The following GALNS variants were observed in gnomAD, a reference collection of about 807,000 sequenced individuals.
GALNS encodes N-acetylgalactosamine-6-sulfatase.
A neutral mutation model predicts 65.9 loss-of-function variants in GALNS; 65 were observed. The observed-to-expected ratio is 0.99, with a 90% CI of 0.81 to 1.21. The LOEUF is 1.21. GALNS is among the 50% of genes most tolerant of loss of function. The probability of loss-of-function intolerance (pLI) is 0.00; values close to 1 mark genes in which losing one functional copy is unlikely to be tolerated. For synonymous variants in GALNS, 346 were observed against 288.9 expected, an observed-to-expected ratio of 1.20 and a Z score of -2.00; for missense variants, 776 against 700.7, an observed-to-expected ratio of 1.11 and a Z score of -1.21.
At chr16:88,834,358 C>G (rs528232076) in intron 8 of GALNS, among the ~76,000 whole-genome samples, 2 of 116,282 alleles carry the variant, frequency 1.7e-5, no homozygotes, top group Non-Finnish European at 1.8e-5. Context: ...GCTGCAGGGC[C>G]CCCCCCCGCG....
At chr16:88,855,713 A>G (rs867460074) in intron 1 of GALNS, 3 of 585,242 alleles carry the variant, frequency 5.1e-6, no homozygotes, top group Non-Finnish European at 6.0e-6. Context: ...AGTCTTCTAA[A>G]TCTGTGTATT....
Position 88,855,844 on chromosome 16 carries a change from C to T in GALNS, c.120+914G>A, listed in dbSNP as rs75042067. ...GGCACCTGTCAGGGTCTCTGCTGGT[C>T]GGAGCCAGCACACAGGGGCTGAGCG... On this transcript the variant is annotated intron_variant, in intron 1 of 13. Transcript: ENST00000268695. 1,055 of 501,528 alleles carry T rather than the reference C, an allele frequency of 2.1e-3. 9 individuals are homozygous for T. Among genetic ancestry groups the T allele is most frequent in the African/African-American group, 0.017 (912 of 52,184 alleles). 31.1% of individuals were successfully genotyped at this position (501,528 alleles called of 1,614,324 possible).
At chr16:88,849,832 A>C (rs1422583966) in intron 1 of GALNS, among the ~76,000 whole-genome samples, 1 of 152,246 alleles carries the variant, frequency 6.6e-6, no homozygotes, top group Non-Finnish European at 1.5e-5. Flanking sequence ...ATGAGGAAGA[A>C]AGGGAGGTGG....
chr16:88,835,934 G>C, intron 6 of GALNS, 85 bp from the exon 7 acceptor site: 1 of 1,598,128 alleles, frequency 6.3e-7, no homozygotes, highest in South Asian at 1.1e-5. Context: ...CACGTCCCAC[G>C]GGGCGAGGTT....
rs3826072 is a variant in GALNS at position 88,818,405 on chromosome 16, T to C, written c.1365-281A>G. Among the ~76,000 whole-genome samples the C allele has an allele frequency of 0.41, 62,662 of 151,662 alleles. 13,280 individuals carry two copies. Among genetic ancestry groups the C allele is most frequent in the East Asian group, 0.63 (3,218 of 5,112 alleles). On this transcript the variant is annotated intron_variant, in intron 12 of 13. Coordinates refer to ENST00000268695, the MANE Select transcript of GALNS (RefSeq NM_000512.5). ...GGCTGTGAGTAGAGCCGTCCCATCC[T>C]GTCCCTGCCTGTGACCAGGACCCGG...
At chr16:88,819,591 G>A (rs957666995) in intron 12 of GALNS, among the ~76,000 whole-genome samples, 3 of 152,224 alleles carry the variant, frequency 2.0e-5, no homozygotes, top group Non-Finnish European at 4.4e-5. Context: ...AGGCTGGAGT[G>A]GTGAGACAGC....
Position 88,837,606 on chromosome 16 carries a change from G to A in GALNS, c.566+16C>T, listed in dbSNP as rs868246018. ...CAGTTCAGGACGTGGGAGGGGAAGG[G>A]GTGGGGCTCCATTACCTGCCAACCA... On this transcript the variant is annotated intron_variant, in intron 5 of 13. Transcript: ENST00000268695. 2.5e-6 allele frequency: 4 copies of A among 1,611,826 alleles called. No homozygotes were observed. Among genetic ancestry groups the A allele is most frequent in the Middle Eastern group, 2.0e-4 (1 of 5,058 alleles).
intron 13 of GALNS, chr16:88,816,664 T>C (rs1263219928): frequency 4.1e-6 from 4 of 985,224 alleles, no homozygotes; most frequent in Admixed American, 6.1e-5. Flanking sequence ...GCCGGTGCTC[T>C]CCTGTTACAT....
chr16:88,817,030 G>A, intron 13 of GALNS: 4 of 985,436 alleles, frequency 4.1e-6, no homozygotes, highest in Non-Finnish European at 4.8e-6. Flanking sequence ...GCTCGTTTTT[G>A]CCGACTAGAG....
At chr16:88,823,547 C>G (rs1288443485) in intron 11 of GALNS, among the ~76,000 whole-genome samples, 9 of 77,086 alleles carry the variant, frequency 1.2e-4, no homozygotes, top group Admixed American at 1.0e-3. Flanking sequence ...GGGACCGATG[C>G]CCAGGACGGC....
Position 88,814,312 on chromosome 16 carries a change from G to A in GALNS, c.*127C>T. On this transcript the variant is annotated 3_prime_UTR_variant, in exon 14 of 14. Coordinates refer to ENST00000268695, the MANE Select transcript of GALNS (RefSeq NM_000512.5). ...GCAGGTGGAATTGTGCAGTCCCCCTGCGTCTGCAGGTGCTGTCTGTCTGGC... is the reference window on the plus strand; with the variant it reads ...GCAGGTGGAATTGTGCAGTCCCCCTACGTCTGCAGGTGCTGTCTGTCTGGC... 1 of 1,256,862 alleles carries A rather than the reference G, an allele frequency of 8.0e-7. No individual in the cohort carries two copies. The highest frequency in any genetic ancestry group is 2.6e-4 in the Middle Eastern group (1 of 3,782). 77.9% of individuals were successfully genotyped at this position (1,256,862 alleles called of 1,614,324 possible).
chr16:88,848,101 C>T (rs547410060), intron 1 of GALNS, among the ~76,000 whole-genome samples: 4 of 152,196 alleles, frequency 2.6e-5, no homozygotes, highest in Non-Finnish European at 4.4e-5. Context: ...GCCCATGAGC[C>T]GTAAGATTCC....
intron 8 of GALNS, 100 bp downstream of exon 8, chr16:88,835,112 TG>T: frequency 6.9e-7 from 1 of 1,458,538 alleles, no homozygotes; most frequent in South Asian, 1.2e-5. Context: ...GGACCCTTCA[TG>T]CTCTGCCCAC....
intron 9 of GALNS, among the ~76,000 whole-genome samples, chr16:88,829,922 AG>A (rs1313623364): frequency 6.6e-6 from 1 of 152,194 alleles, no homozygotes; most frequent in Non-Finnish European, 1.5e-5. Context: ...GGTGGGACAC[AG>A]CCACAGGGTC....
chr16:88,835,299 A>T lies in GALNS; in HGVS notation c.812T>A (p.Leu271His). 6.2e-7 allele frequency: 1 copy of T among 1,613,474 alleles called. No homozygotes were observed. Residue 271 changes from leucine to histidine, a missense_variant, in exon 8 of 14, where the codon CTC becomes CAC. Physicochemically the swap from Leu to His is moderately conservative, Grantham distance 99 (BLOSUM62 -3). Coordinates refer to ENST00000268695, the MANE Select transcript of GALNS (RefSeq NM_000512.5). Reference sequence around the variant, plus strand: ...GTCCGCGACGTGCAGGTCTTGGAGGAGCTCCAGTATCTTCCCAATGCTGTC... The same window carrying T: ...GTCCGCGACGTGCAGGTCTTGGAGGTGCTCCAGTATCTTCCCAATGCTGTC... Reference protein sequence around the residue: ...IDDSIGKILELLQDLHVADNT... With the variant: ...IDDSIGKILEHLQDLHVADNT...
chr16:88,856,083 C>T, intron 1 of GALNS: 1 of 677,926 alleles, frequency 1.5e-6, no homozygotes, highest in Non-Finnish European at 2.7e-6. Flanking sequence ...TCCTGAGTCT[C>T]CAGGTGGCTC....
At chr16:88,815,109 C>A in intron 13 of GALNS, 1 of 985,448 alleles carries the variant, frequency 1.0e-6, no homozygotes, top group African/African-American at 1.7e-5. Flanking sequence ...GGGACCACCT[C>A]GGTCCAGGTG....
At chr16:88,837,230 A>T (rs1431680828) in intron 5 of GALNS, among the ~76,000 whole-genome samples, 1 of 152,158 alleles carries the variant, frequency 6.6e-6, no homozygotes, top group Non-Finnish European at 1.5e-5. Context: ...TGTGGCTCCC[A>T]GTGGGGGTTT....
At chr16:88,852,188 A>ATTCTGCAATAGTTGCTG (rs1292148032) in intron 1 of GALNS, among the ~76,000 whole-genome samples, 3 of 152,174 alleles carry the variant, frequency 2.0e-5, no homozygotes, top group African/African-American at 7.2e-5. Context: ...AATATTTACT[A>ATTCTGCAATAGTTGCTG]TTCTGCAATA....
Sources: gnomAD v4.1 joint callset for allele counts (sites outside exome capture counted in the v4.1 genomes callset) on GRCh38, gnomAD v4.1.1 for gene constraint, MANE v1.5 for transcripts, NCBI Gene and HGNC (gene_info 2026-07-23, HGNC 2026-07-21) for gene names.